SPMAP2L: variants seen among roughly 807,000 people sequenced by gnomAD.
SPMAP2L encodes sperm microtubule associated protein 2 like.
chr4:56,595,191 A>C, the SPMAP2L span: 2 of 1,611,738 alleles, frequency 1.2e-6, no homozygotes, highest in Non-Finnish European at 1.7e-6. Context: ...AGCGATTAGA[A>C]AAACACTACA....
At chr4:56,543,299 G>C in the SPMAP2L span, among the ~76,000 whole-genome samples, 6 of 152,042 alleles carry the variant, frequency 3.9e-5, no homozygotes, top group African/African-American at 1.4e-4. Context: ...TAGCCAGGAT[G>C]GTCTCGACCT....
chr4:56,539,492 G>A, the SPMAP2L span, among the ~76,000 whole-genome samples: 1 of 152,156 alleles, frequency 6.6e-6, no homozygotes, highest in Non-Finnish European at 1.5e-5. Flanking sequence ...TGCAATCTCA[G>A]CTCACTGCAA....
At chr4:56,560,707 TG>T in the SPMAP2L span, among the ~76,000 whole-genome samples, 64 of 151,818 alleles carry the variant, frequency 4.2e-4, no homozygotes, top group African/African-American at 1.4e-3. Flanking sequence ...GGATTACAGA[TG>T]TGAGCCACTG....
chr4:56,609,917 G>T, the SPMAP2L span, among the ~76,000 whole-genome samples: 4 of 152,144 alleles, frequency 2.6e-5, no homozygotes, highest in African/African-American at 9.7e-5. Context: ...ATTGTATTTT[G>T]TTAGAGCAAC....
chr4:56,623,572 C>T, the SPMAP2L span, among the ~76,000 whole-genome samples: 1 of 152,230 alleles, frequency 6.6e-6, no homozygotes, highest in African/African-American at 2.4e-5. Flanking sequence ...AACTTGAATT[C>T]TCCCAGAATT....
the SPMAP2L span, among the ~76,000 whole-genome samples, chr4:56,587,363 G>T: frequency 6.6e-6 from 1 of 151,860 alleles, no homozygotes; most frequent in Non-Finnish European, 1.5e-5. Context: ...GTAGTGTTTG[G>T]TTACATGAGT....
the SPMAP2L span, chr4:56,552,665 A>C: frequency 1.0e-6 from 1 of 990,634 alleles, no homozygotes; most frequent in East Asian, 2.6e-5. Flanking sequence ...TCATTACATA[A>C]AACAGGTAAG....
the SPMAP2L span, among the ~76,000 whole-genome samples, chr4:56,563,835 T>C: frequency 6.6e-6 from 1 of 152,134 alleles, no homozygotes; most frequent in African/African-American, 2.4e-5. Context: ...CCGTGAGGGA[T>C]ATCGATTTGT....
At chr4:56,532,717 C>A in the SPMAP2L span, among the ~76,000 whole-genome samples, 753 of 152,286 alleles carry the variant, frequency 4.9e-3, 8 homozygotes, top group African/African-American at 0.018. Context: ...CAAAACTGCT[C>A]TAGTTTACTG....
the SPMAP2L span, among the ~76,000 whole-genome samples, chr4:56,580,209 G>T: frequency 6.8e-4 from 104 of 152,088 alleles, no homozygotes; most frequent in Non-Finnish European, 1.0e-4. Context: ...AAATGTACAT[G>T]CAACAATTCA....
the SPMAP2L span, among the ~76,000 whole-genome samples, chr4:56,619,895 A>T: frequency 6.6e-6 from 1 of 152,216 alleles, no homozygotes; most frequent in Non-Finnish European, 1.5e-5. Context: ...AAACAAAAAC[A>T]GAAAAAAACT....
the SPMAP2L span, chr4:56,593,495 A>G: frequency 3.1e-6 from 5 of 1,599,830 alleles, no homozygotes; most frequent in Admixed American, 1.7e-5. Context: ...GAACTCGTGG[A>G]GAGAGCTCAT....
At chr4:56,581,404 G>A in the SPMAP2L span, among the ~76,000 whole-genome samples, 3 of 151,946 alleles carry the variant, frequency 2.0e-5, no homozygotes, top group African/African-American at 4.8e-5. Flanking sequence ...ACAGTGAACC[G>A]AGACCACATC....
the SPMAP2L span, among the ~76,000 whole-genome samples, chr4:56,551,101 G>A: frequency 6.6e-6 from 1 of 152,180 alleles, no homozygotes; most frequent in African/African-American, 2.4e-5. Context: ...ATCATGCCTT[G>A]TATGTGCTGT....
chr4:56,572,383 C>T, the SPMAP2L span, among the ~76,000 whole-genome samples: 6 of 152,062 alleles, frequency 3.9e-5, no homozygotes, highest in East Asian at 1.9e-4. Flanking sequence ...CATTGTTGAC[C>T]GAAAGGTCAT....
the SPMAP2L span, among the ~76,000 whole-genome samples, chr4:56,607,372 C>T: frequency 7.9e-5 from 12 of 152,168 alleles, no homozygotes; most frequent in African/African-American, 2.7e-4. Flanking sequence ...ACTTCCCAGC[C>T]TCAGCTGTGA....
At chr4:56,593,955 T>A in the SPMAP2L span, 1 of 1,608,960 alleles carries the variant, frequency 6.2e-7, no homozygotes, top group African/African-American at 1.3e-5. Flanking sequence ...CAGCATGACG[T>A]GTTCTTTGAT....
the SPMAP2L span, chr4:56,596,626 C>T: frequency 1.4e-4 from 207 of 1,515,542 alleles, no homozygotes; most frequent in East Asian, 2.5e-4. Context: ...ACTGCCCATC[C>T]GTCCTGTAAG....
chr4:56,581,331 T>C, the SPMAP2L span, among the ~76,000 whole-genome samples: 6 of 152,094 alleles, frequency 3.9e-5, no homozygotes, highest in Admixed American at 6.6e-5. Flanking sequence ...GGTGTGTGCC[T>C]GTAATCCCAG....
Sources: allele counts gnomAD v4.1 joint callset (sites outside exome capture counted in the v4.1 genomes callset), GRCh38; gene constraint gnomAD v4.1.1; transcripts MANE v1.5; gene names NCBI Gene and HGNC (gene_info 2026-07-23, HGNC 2026-07-21).